The following ASB13 variants were observed in gnomAD, a reference collection of about 807,000 sequenced individuals.
ASB13 encodes ankyrin repeat and SOCS box containing 13.
ASB13 carries 33 observed loss-of-function variants against 28.8 expected under a neutral mutation model. The observed-to-expected ratio is 1.15, with a 90% CI of 0.87 to 1.53. The LOEUF (loss-of-function observed/expected upper bound fraction) is 1.53, where lower values mean the gene tolerates loss of function less well. Among genes scored for constraint, ASB13 ranks in the 40% most tolerant of loss-of-function variants. The pLI is 0.00. For missense variants in ASB13, 414 were observed against 390.1 expected (o/e 1.06, Z -0.52); for synonymous variants, 182 against 172.9 (o/e 1.05, Z -0.41).
In ASB13 at chr10:5,640,757, C is replaced by T; in HGVS notation, c.783G>A (p.Lys261=). The T allele has an allele frequency of 6.2e-7, 1 of 1,614,188 alleles. No homozygotes were observed. The highest frequency in any genetic ancestry group is 8.5e-7 in the Non-Finnish European group (1 of 1,180,036). The change falls in exon 6 of 6, where the codon AAG becomes AAA. Residue 261 remains lysine, a synonymous_variant. Transcript: ENST00000357700. The part of the protein sequence containing the change: ...RKATGVRGLE[K]IAKLNIPPRL... ...GGGGCGGGATGTTTAACTTGGCAAT[C>T]TTCTCCAGCCCTCGGACGCCAGTGG... is the stretch of plus-strand genomic sequence containing the variant.
Position 5,649,020 on chromosome 10 carries a change from A to G in ASB13, c.467T>C (p.Val156Ala), listed in dbSNP as rs1834941233. 3 of 1,614,264 alleles carry G rather than the reference A, an allele frequency of 1.9e-6. No homozygotes were observed. Among genetic ancestry groups the G allele is most frequent in the Non-Finnish European group, 1.7e-6 (2 of 1,180,038 alleles). ...HDCHFGTPLH[V>A]ACAREHLDCV... ...GTCCAGATGCTCCCGGGCACAGGCA[A>G]CGTGCAGAGGGGTCCCAAAATGGCA... Residue 156 changes from valine to alanine, a missense_variant, in exon 4 of 6, where the codon GTT becomes GCT. Val to Ala is a moderately conservative substitution (Grantham distance 64). Coordinates refer to ENST00000357700, the MANE Select transcript of ASB13 (RefSeq NM_024701.4). This position sits in a 1 kb window ranked among gnomAD's most constrained non-coding sequence, Gnocchi z 6.4.
chr10:5,657,522 A>G (rs553226093), intron 1 of ASB13, among the ~76,000 whole-genome samples: 20 of 152,286 alleles, frequency 1.3e-4, no homozygotes, highest in African/African-American at 4.8e-4. Flanking sequence ...AAAACCAAAT[A>G]CGTGTTGGCG....
chr10:5,643,952 T>C (rs1301897581), intron 4 of ASB13, among the ~76,000 whole-genome samples: 2 of 152,260 alleles, frequency 1.3e-5, no homozygotes, highest in African/African-American at 4.8e-5. Context: ...GACGAGGCCT[T>C]GGCCAGGGGC....
intron 1 of ASB13, among the ~76,000 whole-genome samples, chr10:5,662,481 G>T (rs74488357): frequency 0.018 from 2,567 of 145,844 alleles, 151 homozygotes; most frequent in Admixed American, 0.11. Flanking sequence ...AGTGAGCTGA[G>T]ATCGTGCCAC....
rs942814549 is a variant in ASB13, at chr10:5,656,896, T to C, written c.44-3846A>G. Among the ~76,000 whole-genome samples the C allele has an allele frequency of 6.6e-6, 1 of 152,190 alleles. No individual in the cohort carries two copies. The highest frequency in any genetic ancestry group is 1.9e-4 in the East Asian group (1 of 5,192). ...TTAACATAATTAAGAACCCGAAACCTGTACTGACTTAGACGGCACTTTAGA... is the reference window on the plus strand; with the variant it reads ...TTAACATAATTAAGAACCCGAAACCCGTACTGACTTAGACGGCACTTTAGA... On this transcript the variant is annotated intron_variant, in intron 1 of 5. Transcript: ENST00000357700. This position sits in a 1 kb window ranked among gnomAD's most constrained non-coding sequence, Gnocchi z 4.3.
chr10:5,643,922 G>A (rs777774258), intron 4 of ASB13, among the ~76,000 whole-genome samples: 6 of 152,210 alleles, frequency 3.9e-5, no homozygotes, highest in East Asian at 1.9e-4. Flanking sequence ...TAAAAATCAC[G>A]CTCCCTGCCA....
rs1332352237 is a variant in ASB13 at position 5,658,066 on chromosome 10, GA to G, written c.44-5017del. Among the ~76,000 whole-genome samples the G allele has an allele frequency of 1.3e-5, 2 of 152,164 alleles. No individual in the cohort carries two copies. The highest frequency in any genetic ancestry group is 1.3e-4 in the Admixed American group (2 of 15,282). On this transcript the variant is annotated intron_variant, in intron 1 of 5. Transcript: ENST00000357700. The surrounding 1 kb of genome is among the most constrained non-coding windows in gnomAD (Gnocchi z 4.2). ...GCCAGCTACTCAGAGGCTGAGGCACGAGAATCGCATGAACCCAGGAGACAGA... is the reference window on the plus strand; with the variant it reads ...GCCAGCTACTCAGAGGCTGAGGCACGGAATCGCATGAACCCAGGAGACAGA...
chr10:5,648,731 T>TAAACACCCACACGGGC (rs1834933547), intron 4 of ASB13, among the ~76,000 whole-genome samples: 1 of 118,864 alleles, frequency 8.4e-6, no homozygotes, highest in Admixed American at 8.4e-5. Context: ...CCCACGCAGG[T>TAAACACCCACACGGGC]AAACACCCAC....
rs774472794 is a variant in ASB13 at position 5,651,240 on chromosome 10, A to G, written c.355T>C (p.Ser119Pro). The G allele has an allele frequency of 1.2e-6, 2 of 1,612,920 alleles. No individual in the cohort carries two copies. Among genetic ancestry groups the G allele is most frequent in the South Asian group, 2.2e-5 (2 of 90,968 alleles). The change falls in exon 3 of 6, where the codon TCC becomes CCC. Residue 119 changes from serine to proline, a missense_variant. Coordinates refer to ENST00000357700, the MANE Select transcript of ASB13 (RefSeq NM_024701.4). This position sits in a 1 kb window ranked among gnomAD's most constrained non-coding sequence, Gnocchi z 5.1. ...AKVNPPLYTA[S>P]PLHEACMSGS... ...CTCATGCAGGCCTCGTGCAGGGGGG[A>G]CGCTGTGTACAGGGGAGGGTTGACC...
rs1438366525 is a variant in ASB13 at position 5,663,614 on chromosome 10, T to G, written c.43+2895A>C. ...CTTTTCACCCTAAATCACCTAAGCC[T>G]CAGTTTCCTTAGGACAGCAGGCAAT... On this transcript the variant is annotated intron_variant, in intron 1 of 5. Transcript: ENST00000357700. This position sits in a 1 kb window ranked among gnomAD's most constrained non-coding sequence, Gnocchi z 4.9. 2.0e-5 allele frequency among the ~76,000 whole-genome samples: 3 copies of G among 152,130 alleles called. No homozygotes were observed. The highest frequency in any genetic ancestry group is 4.4e-5 in the Non-Finnish European group (3 of 68,026).
At chr10:5,666,437 C>A (rs1835261530) in intron 1 of ASB13, 72 bp downstream of exon 1, 2 of 1,219,316 alleles carry the variant, frequency 1.6e-6, no homozygotes, top group East Asian at 6.9e-5. Context: ...CGGCGCAGGC[C>A]ATCGGATACG....
intron 4 of ASB13, among the ~76,000 whole-genome samples, chr10:5,647,125 G>A (rs114948516): frequency 0.016 from 2,473 of 152,254 alleles, 71 homozygotes; most frequent in African/African-American, 0.056. Context: ...TTCCCAAACA[G>A]GTTTGTTCTT....
Position 5,658,960 on chromosome 10 carries a change from C to T in ASB13, c.44-5910G>A, listed in dbSNP as rs574391181. 6.6e-6 allele frequency among the ~76,000 whole-genome samples: 1 copy of T among 152,148 alleles called. No homozygotes were observed. The highest frequency in any genetic ancestry group is 1.5e-5 in the Non-Finnish European group (1 of 68,020). ...CCCACTCTCTTCATAAACATCAGCC[C>T]CCAGCACCCACCACCACAGAGCAAT... On this transcript the variant is annotated intron_variant, in intron 1 of 5. Coordinates refer to ENST00000357700, the MANE Select transcript of ASB13 (RefSeq NM_024701.4). The surrounding 1 kb of genome is among the most constrained non-coding windows in gnomAD (Gnocchi z 4.2).
rs1419956003 is a variant in ASB13 at position 5,652,601 on chromosome 10, C to A, written c.231+262G>T. ...GCCCCTGAGAGAGCCTGTGTCTAGG[C>A]TGCGGCCAGCCTGCTGGCTCCTGCC... is the stretch of plus-strand genomic sequence containing the variant. On this transcript the variant is annotated intron_variant, in intron 2 of 5. Coordinates refer to ENST00000357700, the MANE Select transcript of ASB13 (RefSeq NM_024701.4). The surrounding 1 kb of genome is among the most constrained non-coding windows in gnomAD (Gnocchi z 5.0). Among the ~76,000 whole-genome samples, 1 of 152,260 alleles carries A rather than the reference C, an allele frequency of 6.6e-6. No individual in the cohort carries two copies. Among genetic ancestry groups the A allele is most frequent in the Non-Finnish European group, 1.5e-5 (1 of 68,050 alleles).
Position 5,655,971 on chromosome 10 carries a change from A to G in ASB13, c.44-2921T>C, listed in dbSNP as rs1835067036. 6.6e-6 allele frequency among the ~76,000 whole-genome samples: 1 copy of G among 152,234 alleles called. No individual in the cohort carries two copies. Among genetic ancestry groups the G allele is most frequent in the South Asian group, 2.1e-4 (1 of 4,834 alleles). ...ACTAAGATGCAGCAATAGGCAGCTC[A>G]CAGTCAGGGACCAGGGAATAAATGC... On this transcript the variant is annotated intron_variant, in intron 1 of 5. Coordinates refer to ENST00000357700, the MANE Select transcript of ASB13 (RefSeq NM_024701.4). The surrounding 1 kb of genome is among the most constrained non-coding windows in gnomAD (Gnocchi z 6.2).
Position 5,640,285 on chromosome 10 carries a change from G to T in ASB13, c.*418C>A. 1 of 163,512 alleles carries T rather than the reference G, an allele frequency of 6.1e-6. No homozygotes were observed. The highest frequency in any genetic ancestry group is 1.3e-5 in the Non-Finnish European group (1 of 74,588). 10.1% of individuals were successfully genotyped at this position (163,512 alleles called of 1,614,324 possible). A position where few individuals can be genotyped will look rare whatever the true frequency, so the allele number is the denominator to read the frequency against. ...CCCGGAGGTGGTGGCCTGCACCTGG[G>T]GCCTGTGCATCTGCGGCAGGCTGCC... is the stretch of plus-strand genomic sequence containing the variant. On this transcript the variant is annotated 3_prime_UTR_variant, in exon 6 of 6. Transcript: ENST00000357700.
chr10:5,660,614 G>A lies in ASB13; in HGVS notation c.43+5895C>T, dbSNP rs549955919. 2.0e-5 allele frequency among the ~76,000 whole-genome samples: 3 copies of A among 152,266 alleles called. No individual in the cohort carries two copies. The highest frequency in any genetic ancestry group is 6.5e-5 in the Admixed American group (1 of 15,294). Reference sequence around the variant, plus strand: ...GGTGCTGTGAAGACTGAAGAAAATCGTGCCTGGCCACCTGTAAATGCTGTG... The same window carrying A: ...GGTGCTGTGAAGACTGAAGAAAATCATGCCTGGCCACCTGTAAATGCTGTG... On this transcript the variant is annotated intron_variant, in intron 1 of 5. Coordinates refer to ENST00000357700, the MANE Select transcript of ASB13 (RefSeq NM_024701.4). This position sits in a 1 kb window ranked among gnomAD's most constrained non-coding sequence, Gnocchi z 6.1.
rs1240917952 is a variant in ASB13 at position 5,664,952 on chromosome 10, G to A, written c.43+1557C>T. ...GCTTACTGCAACCTCTGCCTTCCAG[G>A]TTCGAGTGATTCTTCTGCCTCAGTC... On this transcript the variant is annotated intron_variant, in intron 1 of 5. Transcript: ENST00000357700. This position sits in a 1 kb window ranked among gnomAD's most constrained non-coding sequence, Gnocchi z 4.2. 6.6e-6 allele frequency among the ~76,000 whole-genome samples: 1 copy of A among 152,110 alleles called. No individual in the cohort carries two copies.
chr10:5,640,580 G>A lies in ASB13; in HGVS notation c.*123C>T. Reference sequence around the variant, plus strand: ...AGAAGCCTAAACAGGATCGCAGGAAGGGACTCGAAGGAGCGTTGTTCTATC... The same window carrying A: ...AGAAGCCTAAACAGGATCGCAGGAAAGGACTCGAAGGAGCGTTGTTCTATC... On this transcript the variant is annotated 3_prime_UTR_variant, in exon 6 of 6. Transcript: ENST00000357700. The A allele has an allele frequency of 8.0e-7, 1 of 1,256,800 alleles. No individual in the cohort carries two copies. The allele number at this position is 1,256,800 out of a possible 1,614,324, so 77.9% of individuals were successfully genotyped here. A position where few individuals can be genotyped will look rare whatever the true frequency, so the allele number is the denominator to read the frequency against.
Sources: gnomAD v4.1 joint callset for allele counts (sites outside exome capture counted in the v4.1 genomes callset) on GRCh38, gnomAD v4.1.1 for gene constraint, Gnocchi (gnomAD v3.1) non-coding constraint, MANE v1.5 for transcripts, NCBI Gene and HGNC (gene_info 2026-07-23, HGNC 2026-07-21) for gene names.